Variants in EPS15L1 observed in about 807,000 individuals in gnomAD.
EPS15L1 encodes the protein epidermal growth factor receptor substrate 15-like 1.
Under a neutral mutation model 117.1 loss-of-function variants are expected in EPS15L1, and 43 were observed. That is an observed-to-expected ratio of 0.37 (90% CI 0.29 to 0.47). The LOEUF (loss-of-function observed/expected upper bound fraction) is 0.47. Among genes scored for constraint, EPS15L1 ranks in the 20% least tolerant of loss-of-function variants. EPS15L1 has a pLI of 0.99. For missense variants in EPS15L1, 981 were observed against 1,164.0 expected (o/e 0.84, Z 2.29); for synonymous variants, 459 against 470.5 (o/e 0.98, Z 0.32).
chr19:16,449,080 C>T (rs2093115109), intron 1 of EPS15L1, among the ~76,000 whole-genome samples: 1 of 151,738 alleles, frequency 6.6e-6, no homozygotes, highest in Non-Finnish European at 1.5e-5. Flanking sequence ...TCCAGACCAG[C>T]CTGGGCAACA....
At chr19:16,462,442 C>G (rs145675415) in intron 1 of EPS15L1, among the ~76,000 whole-genome samples, 1 of 152,280 alleles carries the variant, frequency 6.6e-6, no homozygotes, top group African/African-American at 2.4e-5. Context: ...GGGTGGATCA[C>G]TAGAGGCCAG....
At chr19:16,445,727 GC>G (rs1172655500) in intron 1 of EPS15L1, among the ~76,000 whole-genome samples, 2 of 152,310 alleles carry the variant, frequency 1.3e-5, no homozygotes, top group East Asian at 1.9e-4. Flanking sequence ...CTCTGGAGCT[GC>G]CCACCCATGT....
chr19:16,444,724 C>T (rs1359558609), intron 1 of EPS15L1, among the ~76,000 whole-genome samples: 1 of 147,622 alleles, frequency 6.8e-6, no homozygotes, highest in Non-Finnish European at 1.5e-5. Flanking sequence ...CATTTCCAGA[C>T]AAGTTTTTTT....
chr19:16,471,870 G>A lies in EPS15L1; in HGVS notation c.33+43C>T. On this transcript the variant is annotated intron_variant, in intron 1 of 23. Coordinates refer to ENST00000455140, the MANE Select transcript of EPS15L1 (RefSeq NM_001258374.3). This position sits in a 1 kb window ranked among gnomAD's most constrained non-coding sequence, Gnocchi z 4.8. ...AGCCTCGCCGCACCGCTCGCCTCGCGCCCCGCACCCCGGCGCCGCCCCCAG... is the reference window on the plus strand; with the variant it reads ...AGCCTCGCCGCACCGCTCGCCTCGCACCCCGCACCCCGGCGCCGCCCCCAG... The A allele has an allele frequency of 8.3e-7, 1 of 1,211,292 alleles. No homozygotes were observed. The highest frequency in any genetic ancestry group is 1.1e-6 in the Non-Finnish European group (1 of 941,628). 75.0% of individuals were successfully genotyped at this position (1,211,292 alleles called of 1,614,324 possible).
intron 7 of EPS15L1, among the ~76,000 whole-genome samples, chr19:16,432,642 C>T (rs1388265919): frequency 6.7e-6 from 1 of 149,908 alleles, no homozygotes; most frequent in African/African-American, 2.4e-5. Flanking sequence ...TGTTGTGGTG[C>T]ATGCCTGTAA....
chr19:16,459,159 A>C (rs1238348576), intron 1 of EPS15L1, among the ~76,000 whole-genome samples: 2 of 152,218 alleles, frequency 1.3e-5, no homozygotes, highest in Admixed American at 6.5e-5. Context: ...GCACTGTCAC[A>C]TATGCAGTCC....
chr19:16,387,432 C>A (rs967061003), intron 19 of EPS15L1, among the ~76,000 whole-genome samples: 2 of 152,214 alleles, frequency 1.3e-5, no homozygotes, highest in African/African-American at 2.4e-5. Flanking sequence ...TATGGTAAAA[C>A]CCATTTCTAC....
rs2091975047 is a variant in EPS15L1 at position 16,356,013 on chromosome 19, G to A, written c.2587-162C>T. Reference sequence around the variant, plus strand: ...CATGTCTTGGCTGGGCCCAGTGGGCGTGCGAGCCTGTCTCAGGCCCCCCAT... The same window carrying A: ...CATGTCTTGGCTGGGCCCAGTGGGCATGCGAGCCTGTCTCAGGCCCCCCAT... On this transcript the variant is annotated intron_variant, in intron 23 of 23. Transcript: ENST00000455140. 2.0e-5 allele frequency among the ~76,000 whole-genome samples: 3 copies of A among 152,272 alleles called. No individual in the cohort carries two copies. In the South Asian group the frequency reaches 6.2e-4, roughly 31 times the overall value.
At chr19:16,439,618 A>C (rs1211300560) in intron 4 of EPS15L1, among the ~76,000 whole-genome samples, 1 of 152,122 alleles carries the variant, frequency 6.6e-6, no homozygotes, top group African/African-American at 2.4e-5. Context: ...TTGAACCCAG[A>C]AGATCGAGGC....
rs142506606 is a variant in EPS15L1 at position 16,395,423 on chromosome 19, C to T, written c.1836G>A (p.Thr612=). The T allele has an allele frequency of 3.8e-5, 62 of 1,613,280 alleles. No individual in the cohort carries two copies. The highest frequency in any genetic ancestry group is 5.0e-5 in the Non-Finnish European group (59 of 1,179,444). The change falls in exon 17 of 24, where the codon ACG becomes ACA. Residue 612 remains threonine (T), a synonymous_variant. Coordinates refer to ENST00000455140, the MANE Select transcript of EPS15L1 (RefSeq NM_001258374.3). ...GGAAAGGATCCGGATGCAACTCTTG[C>T]GTGTTGTTGCTAAATAACAAGGCTT... The part of the protein sequence containing the change: ...KNKALLFSNN[T]QELHPDPFQT...
intron 13 of EPS15L1, among the ~76,000 whole-genome samples, chr19:16,408,200 C>A (rs1053854326): frequency 2.8e-4 from 42 of 152,162 alleles, no homozygotes; most frequent in African/African-American, 8.2e-4. Flanking sequence ...AAAGACCCAC[C>A]AGCTCGAGGT....
At chr19:16,382,820 A>G (rs2092377807) in intron 21 of EPS15L1, among the ~76,000 whole-genome samples, 1 of 152,142 alleles carries the variant, frequency 6.6e-6, no homozygotes, top group Non-Finnish European at 1.5e-5. Flanking sequence ...GAGCCTCCCA[A>G]AGGAAACTTC....
chr19:16,392,227 G>T, intron 19 of EPS15L1, 77 bp downstream of exon 19: 1 of 1,546,054 alleles, frequency 6.5e-7, no homozygotes, highest in South Asian at 1.1e-5. Context: ...CGAAGGGAAG[G>T]GGGCCTTCGG....
chr19:16,393,666 AAAATAAAT>A (rs1011238662), intron 18 of EPS15L1, among the ~76,000 whole-genome samples: 1 of 149,590 alleles, frequency 6.7e-6, no homozygotes, highest in Non-Finnish European at 1.5e-5. Context: ...AAAAAAATAA[AAAATAAAT>A]AAATAAATAA....
chr19:16,424,954 C>T, intron 9 of EPS15L1, 129 bp downstream of exon 9: 1 of 880,762 alleles, frequency 1.1e-6, no homozygotes, highest in Non-Finnish European at 1.8e-6. Flanking sequence ...AGCCACCGCA[C>T]CTGGCCACAA....
intron 13 of EPS15L1, among the ~76,000 whole-genome samples, chr19:16,411,400 C>T (rs1309052734): frequency 6.6e-6 from 1 of 152,146 alleles, no homozygotes; most frequent in Non-Finnish European, 1.5e-5. Flanking sequence ...GAACAGTTAA[C>T]GATGAATCTT....
chr19:16,399,797 C>T (rs1568418219), intron 16 of EPS15L1, among the ~76,000 whole-genome samples: 2 of 151,588 alleles, frequency 1.3e-5, no homozygotes, highest in Admixed American at 6.6e-5. Context: ...ACTGGGATTA[C>T]AGGTGTGAGC....
Position 16,402,176 on chromosome 19 carries a change from G to A in EPS15L1, c.1791+145C>T, listed in dbSNP as rs543789262. On this transcript the variant is annotated intron_variant, in intron 16 of 23. Transcript: ENST00000455140. ...AGGCTGCAAGGCCTGGTGTGAACGC[G>A]CAAAGTGGCAGCAAAAACAACAGAC... 6.5e-5 allele frequency: 94 copies of A among 1,444,734 alleles called. No homozygotes were observed. The East Asian group carries it at 1.4e-3, about 22-fold the overall frequency. The allele number at this position is 1,444,734 out of a possible 1,614,324, so 89.5% of individuals were successfully genotyped here. A position where few individuals can be genotyped will look rare whatever the true frequency, so the allele number is the denominator to read the frequency against.
chr19:16,385,186 G>C lies in EPS15L1; in HGVS notation c.2190C>G (p.Phe730Leu). 1 of 1,614,130 alleles carries C rather than the reference G, an allele frequency of 6.2e-7. No individual in the cohort carries two copies. Among genetic ancestry groups the C allele is most frequent in the Non-Finnish European group, 8.5e-7 (1 of 1,180,004 alleles). The change falls in exon 21 of 24, where the codon TTC becomes TTG. Residue 730 changes from phenylalanine to leucine, a missense_variant. Phe to Leu is a conservative substitution (Grantham distance 22, BLOSUM62 0). Coordinates refer to ENST00000455140, the MANE Select transcript of EPS15L1 (RefSeq NM_001258374.3). The stretch of plus-strand genomic sequence containing the variant: ...CAGCACTATTGAAGGACCCACTTCC[G>C]AAGGGATCTAAGGTTCCAAAGGGAT... Reference protein sequence around the residue: ...GSDPFGTLDPFGSGSFNSAEG... With the variant: ...GSDPFGTLDPLGSGSFNSAEG...
Sources: gnomAD v4.1 joint callset for allele counts (sites outside exome capture counted in the v4.1 genomes callset) on GRCh38, gnomAD v4.1.1 for gene constraint, Gnocchi (gnomAD v3.1) non-coding constraint, MANE v1.5 for transcripts, NCBI Gene and HGNC (gene_info 2026-07-23, HGNC 2026-07-21) for gene names.